The following RIMS1 variants were observed in gnomAD, a reference collection of about 807,000 sequenced individuals.
RIMS1 encodes regulating synaptic membrane exocytosis protein 1.
Under a neutral mutation model 214.1 loss-of-function variants are expected in RIMS1, and 83 were observed. That is an observed-to-expected ratio of 0.39 (90% CI 0.32 to 0.47). The LOEUF is 0.47. Among genes scored for constraint, RIMS1 ranks in the 20% least tolerant of loss-of-function variants. RIMS1 has a pLI of 0.99. For missense variants in RIMS1, 2,050 were observed against 2,161.8 expected, an observed-to-expected ratio of 0.95 and a Z score of 1.03; for synonymous variants, 793 against 786.8, an observed-to-expected ratio of 1.01 and a Z score of -0.13.
At chr6:72,299,527 T>A (rs1280487594) in intron 26 of RIMS1, among the ~76,000 whole-genome samples, 2 of 151,696 alleles carry the variant, frequency 1.3e-5, no homozygotes, top group African/African-American at 4.8e-5. Flanking sequence ...TCAACTATAT[T>A]TTTTTTAAGT....
At chr6:72,006,183 T>C (rs868563188) in intron 2 of RIMS1, among the ~76,000 whole-genome samples, 3 of 152,160 alleles carry the variant, frequency 2.0e-5, no homozygotes, top group South Asian at 4.1e-4. Flanking sequence ...CCTCATGATC[T>C]AATTACCTCC....
At chr6:71,956,728 G>C (rs1791407311) in intron 1 of RIMS1, among the ~76,000 whole-genome samples, 1 of 152,030 alleles carries the variant, frequency 6.6e-6, no homozygotes, top group Non-Finnish European at 1.5e-5. Context: ...ATGATAACGT[G>C]GTCCAAGTTA....
chr6:72,365,536 C>T (rs1340673766), intron 29 of RIMS1, among the ~76,000 whole-genome samples: 2 of 152,306 alleles, frequency 1.3e-5, no homozygotes, highest in South Asian at 2.1e-4. Flanking sequence ...ATTGCTCTAC[C>T]ACTTATATGT....
intron 2 of RIMS1, among the ~76,000 whole-genome samples, chr6:72,027,912 G>A (rs1457742340): frequency 1.3e-5 from 2 of 151,996 alleles, no homozygotes; most frequent in African/African-American, 4.8e-5. Flanking sequence ...TTGCTATTCT[G>A]TTGAGGCATT....
At chr6:72,011,641 C>G (rs1272123848) in intron 2 of RIMS1, among the ~76,000 whole-genome samples, 6 of 152,056 alleles carry the variant, frequency 3.9e-5, no homozygotes, top group Admixed American at 3.3e-4. Flanking sequence ...AAGAAAAAAA[C>G]AAACAACCCC....
At chr6:71,995,175 A>C (rs575834629) in intron 2 of RIMS1, among the ~76,000 whole-genome samples, 1 of 152,310 alleles carries the variant, frequency 6.6e-6, no homozygotes, top group African/African-American at 2.4e-5. Flanking sequence ...ATTTATAAAA[A>C]ACAGAGAGAA....
intron 29 of RIMS1, among the ~76,000 whole-genome samples, chr6:72,364,468 G>C (rs1223825983): frequency 1.3e-5 from 2 of 152,186 alleles, no homozygotes; most frequent in Non-Finnish European, 2.9e-5. Flanking sequence ...GCAAATAAAA[G>C]TTATGTCATT....
At chr6:72,087,598 G>C (rs1303122987) in intron 2 of RIMS1, among the ~76,000 whole-genome samples, 1 of 152,188 alleles carries the variant, frequency 6.6e-6, no homozygotes, top group Non-Finnish European at 1.5e-5. Flanking sequence ...CCCCCAGAAA[G>C]TGAGCAAGCA....
At chr6:72,018,135 T>G in intron 2 of RIMS1, among the ~76,000 whole-genome samples, 1 of 151,408 alleles carries the variant, frequency 6.6e-6, no homozygotes, top group Non-Finnish European at 1.5e-5. Context: ...GAAACAAGGA[T>G]ATTACTTGAG....
At chr6:72,146,873 T>C (rs1424772906) in intron 4 of RIMS1, among the ~76,000 whole-genome samples, 1 of 152,226 alleles carries the variant, frequency 6.6e-6, no homozygotes, top group African/African-American at 2.4e-5. Context: ...CAATTTTAAA[T>C]TTTGATGTAA....
intron 28 of RIMS1, among the ~76,000 whole-genome samples, chr6:72,324,026 G>A (rs552313526): frequency 1.2e-3 from 148 of 127,658 alleles, no homozygotes; most frequent in African/African-American, 3.6e-3. Context: ...GTGCATGCAT[G>A]CATAGATAGA....
At position 72,073,494 on chromosome 6, in the gene RIMS1, T is replaced by C. The variant is rs116778488; in HGVS notation, c.246-23455T>C. On this transcript the variant is annotated intron_variant, in intron 2 of 33. Coordinates refer to ENST00000521978, the MANE Select transcript of RIMS1 (RefSeq NM_014989.7). ...AATTCAGTAAAGATAAAAATACTTCTCATGCCAAATGATGGGTTTCGCTCT... is the reference window on the plus strand; with the variant it reads ...AATTCAGTAAAGATAAAAATACTTCCCATGCCAAATGATGGGTTTCGCTCT... Among the ~76,000 whole-genome samples, 1,478 of 152,316 alleles carry C rather than the reference T, an allele frequency of 9.7e-3. 14 individuals carry two copies. The highest frequency in any genetic ancestry group is 0.032 in the African/African-American group (1,346 of 41,568).
At chr6:72,306,763 G>A (rs910400772) in intron 26 of RIMS1, among the ~76,000 whole-genome samples, 7 of 152,172 alleles carry the variant, frequency 4.6e-5, no homozygotes, top group African/African-American at 1.7e-4. Flanking sequence ...TTATAAGAAT[G>A]CCTCAATAAA....
intron 26 of RIMS1, 101 bp from the exon 27 acceptor site, chr6:72,307,157 A>G: frequency 1.4e-6 from 1 of 725,470 alleles, no homozygotes; most frequent in Non-Finnish European, 2.4e-6. Flanking sequence ...TCTAAATTTT[A>G]TTTAATTGAA....
intron 16 of RIMS1, among the ~76,000 whole-genome samples, chr6:72,255,759 C>T (rs776222415): frequency 6.6e-5 from 10 of 152,198 alleles, no homozygotes; most frequent in Middle Eastern, 3.4e-3. Flanking sequence ...TCATCCCAGC[C>T]GGGCACGGTG....
intron 4 of RIMS1, among the ~76,000 whole-genome samples, chr6:72,151,010 A>G (rs2043479706): frequency 6.6e-6 from 1 of 152,236 alleles, no homozygotes; most frequent in Non-Finnish European, 1.5e-5. Context: ...TCTGAAAGCA[A>G]TTAACATAAA....
chr6:72,183,269 AT>A lies in RIMS1; in HGVS notation c.1678+121del, dbSNP rs2048608061. The A allele has an allele frequency of 6.5e-6, 6 of 919,196 alleles. No individual in the cohort carries two copies. In the South Asian group the frequency reaches 9.7e-5, roughly 15 times the overall value. 56.9% of individuals were successfully genotyped at this position (919,196 alleles called of 1,614,324 possible). ...GAGGCTGGGAATGCTCACAGATAAG[AT>A]AGCGTTACCGCCAGTGGAAGGTCTT... On this transcript the variant is annotated intron_variant, in intron 6 of 33. Coordinates refer to ENST00000521978, the MANE Select transcript of RIMS1 (RefSeq NM_014989.7).
chr6:72,179,812 G>T lies in RIMS1; in HGVS notation c.709G>T (p.Ala237Ser), dbSNP rs1344104997. The T allele has an allele frequency of 6.2e-7, 1 of 1,613,654 alleles. No individual in the cohort carries two copies. The highest frequency in any genetic ancestry group is 8.5e-7 in the Non-Finnish European group (1 of 1,179,738). The change falls in exon 5 of 34, where the codon GCA (alanine) becomes TCA (serine). Residue 237 changes from alanine (A) to serine (S), a missense_variant. Coordinates refer to ENST00000521978, the MANE Select transcript of RIMS1 (RefSeq NM_014989.7). The part of the protein sequence containing the change: ...ASSQDAAPPS[A>S]PPDRSKGAEP... ...CTCCCAGGATGCTGCTCCTCCCAGC[G>T]CACCACCAGACAGGAGCAAAGGGGC... is the stretch of plus-strand genomic sequence containing the variant.
In RIMS1 at chr6:72,211,754, C is replaced by T. The variant is rs145051486; in HGVS notation, c.1679-22019C>T. On this transcript the variant is annotated intron_variant, in intron 6 of 33. Coordinates refer to ENST00000521978, the MANE Select transcript of RIMS1 (RefSeq NM_014989.7). ...GAATTTCTAAGATATTATATGTGATCAATATTTCAACATTAAAAATATTGG... is the reference window on the plus strand; with the variant it reads ...GAATTTCTAAGATATTATATGTGATTAATATTTCAACATTAAAAATATTGG... Among the ~76,000 whole-genome samples, 39 of 152,158 alleles carry T rather than the reference C, an allele frequency of 2.6e-4. No homozygotes were observed. In the Middle Eastern group the frequency reaches 0.01, roughly 40 times the overall value.
Sources: gnomAD v4.1 joint callset for allele counts (sites outside exome capture counted in the v4.1 genomes callset) on GRCh38, gnomAD v4.1.1 for gene constraint, MANE v1.5 for transcripts, NCBI Gene and HGNC (gene_info 2026-07-23, HGNC 2026-07-21) for gene names.